Variants in PGM1 observed in about 807,000 individuals in gnomAD.
The protein encoded by PGM1 is phosphoglucomutase-1.
PGM1 carries 52 observed loss-of-function variants against 55.6 expected under a neutral mutation model. That is an observed-to-expected ratio of 0.94 (90% confidence interval 0.75 to 1.18). The LOEUF (loss-of-function observed/expected upper bound fraction) is 1.18. PGM1 is among the 50% of genes most tolerant of loss of function. The pLI is 0.00. For missense variants in PGM1, 724 were observed against 729.3 expected, an observed-to-expected ratio of 0.99 and a Z score of 0.08; for synonymous variants, 287 against 271.7, an observed-to-expected ratio of 1.06 and a Z score of -0.55.
chr1:63,617,404 C>T (rs982546278), intron 1 of PGM1, among the ~76,000 whole-genome samples: 4 of 152,118 alleles, frequency 2.6e-5, no homozygotes, highest in East Asian at 1.9e-4. Flanking sequence ...GAGAGAGGGG[C>T]GTCTCCTGCA....
At chr1:63,638,564 T>C in intron 6 of PGM1, 121 bp from the exon 7 acceptor site, 2 of 766,132 alleles carry the variant, frequency 2.6e-6, no homozygotes, top group Non-Finnish European at 4.8e-6. Flanking sequence ...TAGAATTATG[T>C]ATGACTCTGA....
At chr1:63,603,958 G>T (rs1648312792) in intron 1 of PGM1, among the ~76,000 whole-genome samples, 1 of 152,116 alleles carries the variant, frequency 6.6e-6, no homozygotes, top group Admixed American at 6.5e-5. Flanking sequence ...TGTATGATGT[G>T]ACTACACTGC....
At chr1:63,658,383 C>A in intron 10 of PGM1, among the ~76,000 whole-genome samples, 2 of 143,778 alleles carry the variant, frequency 1.4e-5, no homozygotes, top group Admixed American at 7.1e-5. Context: ...ATTTATTAAG[C>A]AACAGAATTC....
chr1:63,633,866 C>CTGTGTGTGTGTG (rs58094821), intron 4 of PGM1, among the ~76,000 whole-genome samples: 22 of 73,408 alleles, frequency 3.0e-4, no homozygotes, highest in Admixed American at 6.0e-4. Flanking sequence ...GTCTGTGTCT[C>CTGTGTGTGTGTG]TGTGTGTGTG....
At chr1:63,637,280 T>G (rs1215404494) in intron 6 of PGM1, among the ~76,000 whole-genome samples, 2 of 152,232 alleles carry the variant, frequency 1.3e-5, no homozygotes, top group African/African-American at 4.8e-5. Flanking sequence ...AATGCTGTAT[T>G]TAACACCATT....
At chr1:63,639,574 C>T (rs923455577) in intron 7 of PGM1, among the ~76,000 whole-genome samples, 10 of 152,066 alleles carry the variant, frequency 6.6e-5, no homozygotes, top group African/African-American at 2.4e-4. Flanking sequence ...TCCCATGTAT[C>T]AGTCTCCGGC....
rs866923933 is a variant in PGM1 at position 63,599,513 on chromosome 1, C to A, written c.246+5779C>A. Among the ~76,000 whole-genome samples, 6 of 147,038 alleles carry A rather than the reference C, an allele frequency of 4.1e-5. 1 individual carries two copies. Among genetic ancestry groups the A allele is most frequent in the South Asian group, 4.4e-4 (2 of 4,526 alleles). On this transcript the variant is annotated intron_variant, in intron 1 of 10. Transcript: ENST00000371084. ...ACCCCCACTTTAAAAAAAAAAAAAA[C>A]CACTTTTTAATTATGGTGGGGCCGG...
intron 7 of PGM1, among the ~76,000 whole-genome samples, chr1:63,642,479 G>A (rs1272082638): frequency 6.6e-6 from 1 of 152,186 alleles, no homozygotes; most frequent in East Asian, 1.9e-4. Context: ...CCTAACCGTG[G>A]ATGATTATGT....
At chr1:63,658,404 T>G (rs1157766861) in intron 10 of PGM1, among the ~76,000 whole-genome samples, 1 of 151,904 alleles carries the variant, frequency 6.6e-6, no homozygotes, top group Non-Finnish European at 1.5e-5. Flanking sequence ...TCTCTTTTTT[T>G]TTTTTTTCTT....
chr1:63,606,051 C>T (rs1648409340), intron 1 of PGM1, among the ~76,000 whole-genome samples: 1 of 152,188 alleles, frequency 6.6e-6, no homozygotes, highest in African/African-American at 2.4e-5. Flanking sequence ...CTTAGCAGAA[C>T]CCAACCTGCC....
chr1:63,594,185 C>A (rs543672898), intron 1 of PGM1: 7 of 932,528 alleles, frequency 7.5e-6, no homozygotes, highest in African/African-American at 7.1e-5. Flanking sequence ...CCTCGCATCC[C>A]GCCCGCTCCT....
intron 1 of PGM1, among the ~76,000 whole-genome samples, chr1:63,613,517 A>G (rs1440084873): frequency 6.6e-6 from 1 of 151,838 alleles, no homozygotes; most frequent in Non-Finnish European, 1.5e-5. Context: ...CTCTGTCTTC[A>G]CGTGGCATTC....
At chr1:63,597,200 T>C (rs1375598811) in intron 1 of PGM1, among the ~76,000 whole-genome samples, 1 of 151,678 alleles carries the variant, frequency 6.6e-6, no homozygotes, top group Non-Finnish European at 1.5e-5. Context: ...CATAGAGGGG[T>C]GGTAGCCGAA....
chr1:63,633,923 TATATATATA>T (rs1649279694), intron 4 of PGM1, among the ~76,000 whole-genome samples: 5 of 102,434 alleles, frequency 4.9e-5, no homozygotes, highest in African/African-American at 2.2e-4. Flanking sequence ...TGTGTGTATA[TATATATATA>T]TTTTTTTTTT....
chr1:63,599,769 C>T (rs766873674), intron 1 of PGM1, among the ~76,000 whole-genome samples: 3 of 151,960 alleles, frequency 2.0e-5, no homozygotes, highest in African/African-American at 7.3e-5. Context: ...CCAGCCTTGG[C>T]GATGGCAAGA....
intron 7 of PGM1, among the ~76,000 whole-genome samples, chr1:63,644,853 A>G (rs986681753): frequency 6.6e-6 from 1 of 152,028 alleles, no homozygotes; most frequent in African/African-American, 2.4e-5. Flanking sequence ...CTGCTGAGCC[A>G]CAGAAAATGT....
chr1:63,646,421 G>A (rs573148094), intron 7 of PGM1, among the ~76,000 whole-genome samples: 1 of 152,222 alleles, frequency 6.6e-6, no homozygotes, highest in South Asian at 2.1e-4. Context: ...CTCCCGAGAA[G>A]CCCATTTTAA....
At chr1:63,643,808 G>A (rs1649583414) in intron 7 of PGM1, among the ~76,000 whole-genome samples, 1 of 152,244 alleles carries the variant, frequency 6.6e-6, no homozygotes, top group African/African-American at 2.4e-5. Context: ...CATGGGGAGG[G>A]CATCCTGGAT....
rs571579682 is a variant in PGM1 at position 63,594,469 on chromosome 1, C to G, written c.246+735C>G. Among the ~76,000 whole-genome samples, 3 of 152,188 alleles carry G rather than the reference C, an allele frequency of 2.0e-5. No individual in the cohort carries two copies. The East Asian group carries it at 5.8e-4, about 29-fold the overall frequency. ...ACCGACGGGGCTGGAGCTGAATTTTCATTAGAATGGCAACATACCCAAAGA... is the reference window on the plus strand; with the variant it reads ...ACCGACGGGGCTGGAGCTGAATTTTGATTAGAATGGCAACATACCCAAAGA... On this transcript the variant is annotated intron_variant, in intron 1 of 10. Coordinates refer to ENST00000371084, the MANE Select transcript of PGM1 (RefSeq NM_002633.3).
Sources: allele counts gnomAD v4.1 joint callset (sites outside exome capture counted in the v4.1 genomes callset), GRCh38; gene constraint gnomAD v4.1.1; transcripts MANE v1.5; gene names NCBI Gene and HGNC (gene_info 2026-07-23, HGNC 2026-07-21).